Variants in FAM117B observed in about 807,000 individuals in gnomAD.
The protein encoded by FAM117B is family with sequence similarity 117 member B.
In FAM117B, 22 loss-of-function variants were observed where a neutral mutation model predicts 52.8. That is an observed-to-expected ratio of 0.42 (90% CI 0.30 to 0.59). FAM117B has a LOEUF of 0.59. Among genes scored for constraint, FAM117B ranks in the 20% least tolerant of loss-of-function variants. FAM117B has a pLI of 0.22. For synonymous variants in FAM117B, 309 were observed against 324.1 expected (o/e 0.95, Z 0.50); for missense variants, 678 against 802.6 (o/e 0.84, Z 1.88).
intron 1 of FAM117B, among the ~76,000 whole-genome samples, chr2:202,680,619 G>A (rs967539993): frequency 1.3e-5 from 2 of 152,096 alleles, no homozygotes; most frequent in African/African-American, 4.8e-5. Context: ...GACATTTTAT[G>A]TACAGAGAAA....
chr2:202,635,166 G>A lies in FAM117B; in HGVS notation c.-22G>A. The A allele has an allele frequency of 7.9e-7, 1 of 1,264,190 alleles. No individual in the cohort carries two copies. The highest frequency in any genetic ancestry group is 1.0e-6 in the Non-Finnish European group (1 of 1,003,672). The allele number at this position is 1,264,190 out of a possible 1,614,324, so 78.3% of individuals were successfully genotyped here. On this transcript the variant is annotated 5_prime_UTR_variant, in exon 1 of 8. Transcript: ENST00000392238. ...ACAACAAAACCCCCCGTCTCGCCCA[G>A]TCACCGGGGAGGGGGGGGACCATGT...
intron 1 of FAM117B, 91 bp downstream of exon 1, chr2:202,635,879 C>T (rs985948981): frequency 8.1e-7 from 1 of 1,241,280 alleles, no homozygotes; most frequent in East Asian, 3.4e-5. Context: ...TGCAGAGCTG[C>T]CGCGGAGCCC....
At chr2:202,725,609 G>T (rs933237699) in intron 3 of FAM117B, among the ~76,000 whole-genome samples, 1 of 152,058 alleles carries the variant, frequency 6.6e-6, no homozygotes, top group South Asian at 2.1e-4. Flanking sequence ...ATGAGCCACC[G>T]CACCTGGCCA....
chr2:202,642,705 A>G (rs1247307837), intron 1 of FAM117B, among the ~76,000 whole-genome samples: 1 of 152,228 alleles, frequency 6.6e-6, no homozygotes, highest in Non-Finnish European at 1.5e-5. Flanking sequence ...GGTAAAAATT[A>G]GGACTCATTT....
intron 1 of FAM117B, among the ~76,000 whole-genome samples, chr2:202,680,337 T>C (rs1690443526): frequency 6.6e-6 from 1 of 152,050 alleles, no homozygotes; most frequent in Non-Finnish European, 1.5e-5. Flanking sequence ...AGTTAATGGG[T>C]GCAGCACACC....
At chr2:202,673,125 C>T (rs1176793987) in intron 1 of FAM117B, among the ~76,000 whole-genome samples, 1 of 152,144 alleles carries the variant, frequency 6.6e-6, no homozygotes, top group African/African-American at 2.4e-5. Context: ...TATTTTGCTC[C>T]TTTATTGTCA....
At chr2:202,720,101 A>T (rs1691127340) in intron 2 of FAM117B, among the ~76,000 whole-genome samples, 1 of 152,160 alleles carries the variant, frequency 6.6e-6, no homozygotes, top group South Asian at 2.1e-4. Context: ...TCCAAGAAAC[A>T]TTCATTGGTT....
In FAM117B at chr2:202,684,977, T is replaced by A. The variant is rs1690517476; in HGVS notation, c.602-10904T>A. On this transcript the variant is annotated intron_variant, in intron 1 of 7. Transcript: ENST00000392238. ...GAGAAAAGAAGGTAAACCACATGAT[T>A]ATCTCAAAAAAAATTTTTTTTTTTT... Among the ~76,000 whole-genome samples the A allele has an allele frequency of 2.0e-5, 3 of 151,816 alleles. No homozygotes were observed. In the South Asian group the frequency reaches 6.2e-4, roughly 31 times the overall value.
Position 202,716,158 on chromosome 2 carries a change from C to T in FAM117B, c.754-8759C>T, listed in dbSNP as rs555199354. On this transcript the variant is annotated intron_variant, in intron 2 of 7. Transcript: ENST00000392238. ...TAGTGACCTTCTTTGTCTCTTCTTA[C>T]AGTTTTTGTCTTCAAATCTGTGTTG... is the stretch of plus-strand genomic sequence containing the variant. Among the ~76,000 whole-genome samples, 3 of 152,188 alleles carry T rather than the reference C, an allele frequency of 2.0e-5. 1 individual carries two copies. Among genetic ancestry groups the T allele is most frequent in the African/African-American group, 7.2e-5 (3 of 41,450 alleles).
intron 2 of FAM117B, among the ~76,000 whole-genome samples, chr2:202,696,873 A>G (rs1690719293): frequency 1.3e-5 from 2 of 152,108 alleles, no homozygotes; most frequent in African/African-American, 4.8e-5. Flanking sequence ...TTCAGTACCA[A>G]CCTGGGCAGC....
In FAM117B at chr2:202,759,451, G is replaced by A. The variant is rs1404056880; in HGVS notation, c.1451+98G>A. On this transcript the variant is annotated intron_variant, in intron 7 of 7. Coordinates refer to ENST00000392238, the MANE Select transcript of FAM117B (RefSeq NM_173511.4). Reference sequence around the variant, plus strand: ...GTCATCTAGGCTGGACTGCACTGATGCAGTCACAGGTCACACTGCAACCTC... The same window carrying A: ...GTCATCTAGGCTGGACTGCACTGATACAGTCACAGGTCACACTGCAACCTC... 4 of 1,467,462 alleles carry A rather than the reference G, an allele frequency of 2.7e-6. No homozygotes were observed. The Admixed American group carries it at 9.4e-5, about 34-fold the overall frequency. 90.9% of individuals were successfully genotyped at this position (1,467,462 alleles called of 1,614,324 possible).
intron 2 of FAM117B, among the ~76,000 whole-genome samples, chr2:202,715,621 C>T (rs1559108317): frequency 6.6e-6 from 1 of 152,044 alleles, no homozygotes; most frequent in Admixed American, 6.5e-5. Context: ...CAGAGGGGCT[C>T]CTCACATCCC....
chr2:202,703,344 A>G (rs967120516), intron 2 of FAM117B, among the ~76,000 whole-genome samples: 2 of 152,186 alleles, frequency 1.3e-5, no homozygotes, highest in Middle Eastern at 3.2e-3. Context: ...TGTATCATGT[A>G]TTGAACTTAA....
intron 4 of FAM117B, among the ~76,000 whole-genome samples, chr2:202,751,624 T>C (rs1691722920): frequency 6.6e-6 from 1 of 151,892 alleles, no homozygotes; most frequent in Admixed American, 6.6e-5. Context: ...TACAAAAATT[T>C]AGCTGGGCGT....
intron 2 of FAM117B, among the ~76,000 whole-genome samples, chr2:202,709,155 T>A (rs970276626): frequency 1.3e-5 from 2 of 152,112 alleles, no homozygotes; most frequent in Admixed American, 1.3e-4. Flanking sequence ...TTTGGAGAAA[T>A]GTCTATTCAA....
chr2:202,696,636 A>T (rs897813260), intron 2 of FAM117B, among the ~76,000 whole-genome samples: 4 of 152,214 alleles, frequency 2.6e-5, no homozygotes, highest in African/African-American at 9.6e-5. Context: ...GTGCCAAAAA[A>T]ACCTTCATGT....
intron 1 of FAM117B, among the ~76,000 whole-genome samples, chr2:202,692,657 A>G (rs1337207056): frequency 6.6e-6 from 1 of 152,226 alleles, no homozygotes; most frequent in Non-Finnish European, 1.5e-5. Context: ...GCAAATGTTC[A>G]TCTGCTAATG....
In FAM117B at chr2:202,732,777, C is replaced by G. The variant is rs137902064; in HGVS notation, c.960+6414C>G. Among the ~76,000 whole-genome samples the G allele has an allele frequency of 3.0e-4, 46 of 151,578 alleles. No individual in the cohort carries two copies. The East Asian group carries it at 5.4e-3, about 18-fold the overall frequency. On this transcript the variant is annotated intron_variant, in intron 4 of 7. Transcript: ENST00000392238. Reference sequence around the variant, plus strand: ...CAGAGGTTGTGCTGAGCTGAGATCGCACCACTGCACTGCAGCCTGGGCGAC... The same window carrying G: ...CAGAGGTTGTGCTGAGCTGAGATCGGACCACTGCACTGCAGCCTGGGCGAC...
chr2:202,722,592 G>A (rs1055803051), intron 2 of FAM117B, among the ~76,000 whole-genome samples: 1 of 152,100 alleles, frequency 6.6e-6, no homozygotes, highest in East Asian at 1.9e-4. Context: ...AATACTGCAT[G>A]TTCTCACTTA....
Sources: allele counts gnomAD v4.1 joint callset (sites outside exome capture counted in the v4.1 genomes callset), GRCh38; gene constraint gnomAD v4.1.1; transcripts MANE v1.5; gene names NCBI Gene and HGNC (gene_info 2026-07-23, HGNC 2026-07-21).